PCDHA13: variants seen among roughly 807,000 people sequenced by gnomAD.
PCDHA13 encodes the protein protocadherin alpha 13, also known as protocadherin alpha-13.
In PCDHA13, 54 loss-of-function variants were observed where a neutral mutation model predicts 64.8. The observed-to-expected ratio is 0.83, with a 90% CI of 0.67 to 1.04. The LOEUF is 1.04. Ranked by LOEUF, PCDHA13 falls within the 50% of genes least tolerant of loss-of-function variation. The pLI, the probability that PCDHA13 is intolerant of heterozygous loss-of-function variation, is 0.00. For missense variants in PCDHA13, 1,248 were observed against 1,254.3 expected (o/e 0.99, Z 0.08); for synonymous variants, 587 against 564.4 (o/e 1.04, Z -0.57).
chr5:140,947,645 A>G (rs1373528004), intron 1 of PCDHA13, among the ~76,000 whole-genome samples: 2 of 151,670 alleles, frequency 1.3e-5, no homozygotes, highest in African/African-American at 2.4e-5. Flanking sequence ...GTATGAACAT[A>G]TATACCTCCA....
intron 1 of PCDHA13, chr5:140,928,400 C>G: frequency 6.2e-7 from 1 of 1,614,038 alleles, no homozygotes; most frequent in Non-Finnish European, 8.5e-7. Flanking sequence ...GTGGAATCAT[C>G]CAGTGGGGCC....
intron 1 of PCDHA13, among the ~76,000 whole-genome samples, chr5:140,964,392 C>A (rs2095829219): frequency 6.6e-6 from 1 of 152,072 alleles, no homozygotes; most frequent in African/African-American, 2.4e-5. Flanking sequence ...GGTTTTTCTC[C>A]CAAGACATGA....
chr5:140,939,613 A>T (rs2092423002), intron 1 of PCDHA13, among the ~76,000 whole-genome samples: 1 of 152,232 alleles, frequency 6.6e-6, no homozygotes, highest in African/African-American at 2.4e-5. Context: ...CAGAACAAGG[A>T]GACAAAAGAA....
intron 3 of PCDHA13, among the ~76,000 whole-genome samples, chr5:140,998,767 T>C (rs367972918): frequency 5.3e-5 from 8 of 152,312 alleles, no homozygotes; most frequent in African/African-American, 1.9e-4. Flanking sequence ...TTTCACTATG[T>C]TGGTCAGGCT....
chr5:140,991,503 T>C (rs975448423), intron 3 of PCDHA13, among the ~76,000 whole-genome samples: 6 of 152,246 alleles, frequency 3.9e-5, no homozygotes, highest in Non-Finnish European at 7.3e-5. Context: ...TGAGTTTCAC[T>C]GGCTAAAATC....
chr5:140,896,854 C>T (rs1211925701), intron 1 of PCDHA13, among the ~76,000 whole-genome samples: 4 of 152,004 alleles, frequency 2.6e-5, no homozygotes, highest in Non-Finnish European at 5.9e-5. Context: ...TTTATGGGTA[C>T]ATAATAAGTG....
intron 1 of PCDHA13, among the ~76,000 whole-genome samples, chr5:140,954,933 CTT>C (rs2095111807): frequency 6.6e-6 from 1 of 152,044 alleles, no homozygotes; most frequent in East Asian, 1.9e-4. Flanking sequence ...TTTAATTAAT[CTT>C]GAGTTAATTT....
At chr5:140,991,447 C>T (rs1554252191) in intron 3 of PCDHA13, among the ~76,000 whole-genome samples, 1 of 152,162 alleles carries the variant, frequency 6.6e-6, no homozygotes, top group African/African-American at 2.4e-5. Context: ...TGGCTTAAAA[C>T]AACACAATGT....
At chr5:140,963,206 AC>A (rs145404740) in intron 1 of PCDHA13, among the ~76,000 whole-genome samples, 1,595 of 152,188 alleles carry the variant, frequency 0.01, 28 homozygotes, top group African/African-American at 0.037. Context: ...GAAAAAAAAA[AC>A]CTCGTGTTTA....
rs868965340 is a variant in PCDHA13, at chr5:141,007,276, G to A, written c.2543-2351G>A. On this transcript the variant is annotated intron_variant, in intron 3 of 3. Transcript: ENST00000289272. ...TAAAAGAAGCAGATACAGGCTGGGT[G>A]CAGTGGGCTCATGCCTGTAATCTTA... Among the ~76,000 whole-genome samples the A allele has an allele frequency of 3.3e-5, 5 of 151,858 alleles. No homozygotes were observed. In the South Asian group the frequency reaches 8.3e-4, roughly 25 times the overall value.
intron 1 of PCDHA13, among the ~76,000 whole-genome samples, chr5:140,973,706 G>A (rs143845626): frequency 4.6e-5 from 7 of 152,274 alleles, no homozygotes; most frequent in South Asian, 4.1e-4. Context: ...TCTGACCCAG[G>A]AGTGAGCCAT....
chr5:140,900,683 T>C (rs144072569), intron 1 of PCDHA13, among the ~76,000 whole-genome samples: 52 of 152,340 alleles, frequency 3.4e-4, no homozygotes, highest in African/African-American at 9.9e-4. Context: ...ATCTCTTCAA[T>C]ATACTGATTT....
intron 3 of PCDHA13, among the ~76,000 whole-genome samples, chr5:140,985,216 C>G (rs1009954667): frequency 1.3e-5 from 2 of 152,186 alleles, no homozygotes; most frequent in Non-Finnish European, 2.9e-5. Flanking sequence ...GGATTACAGG[C>G]GTGAGCCACC....
chr5:140,927,574 G>T, intron 1 of PCDHA13: 1 of 1,614,168 alleles, frequency 6.2e-7, no homozygotes, highest in Non-Finnish European at 8.5e-7. Flanking sequence ...GGACACAAAT[G>T]ACAACGCGCC....
chr5:140,988,009 A>C (rs1223658003), intron 3 of PCDHA13, among the ~76,000 whole-genome samples: 3 of 152,204 alleles, frequency 2.0e-5, no homozygotes, highest in Non-Finnish European at 4.4e-5. Context: ...CCCCAGAAAG[A>C]AAGCATGATT....
In PCDHA13 at chr5:140,915,626, GTCTCTCTC is replaced by G. The variant is rs57920489; in HGVS notation, c.2394+30987_2394+30994del. ...ACTTTCTGTCAAACAGTCTCTTTCT[GTCTCTCTC>G]TCTCTCTCTCTCTCTCTCTCTCAAG... is the stretch of plus-strand genomic sequence containing the variant. On this transcript the variant is annotated intron_variant, in intron 1 of 3. Transcript: ENST00000289272. Among the ~76,000 whole-genome samples, 662 of 146,534 alleles carry G rather than the reference GTCTCTCTC, an allele frequency of 4.5e-3. 3 individuals are homozygous for G. The highest frequency in any genetic ancestry group is 0.016 in the African/African-American group (641 of 39,750).
intron 1 of PCDHA13, among the ~76,000 whole-genome samples, chr5:140,888,737 A>T (rs1468383652): frequency 6.6e-6 from 1 of 152,036 alleles, no homozygotes; most frequent in Non-Finnish European, 1.5e-5. Context: ...TGTGAGCTCT[A>T]GGAATTATTC....
At chr5:140,928,836 C>T (rs1554206380) in intron 1 of PCDHA13, 1 of 1,614,168 alleles carries the variant, frequency 6.2e-7, no homozygotes. Context: ...CACTTTCCTC[C>T]TCTGTCACTC....
chr5:140,891,604 C>T (rs1554184885), intron 1 of PCDHA13, among the ~76,000 whole-genome samples: 2 of 152,172 alleles, frequency 1.3e-5, no homozygotes, highest in African/African-American at 4.8e-5. Flanking sequence ...CCATCTATTT[C>T]TACCTTTTAT....
Sources: gnomAD v4.1 joint callset for allele counts (sites outside exome capture counted in the v4.1 genomes callset) on GRCh38, gnomAD v4.1.1 for gene constraint, MANE v1.5 for transcripts, NCBI Gene and HGNC (gene_info 2026-07-23, HGNC 2026-07-21) for gene names.